TAF1B: variants seen among roughly 807,000 people sequenced by gnomAD.
The protein encoded by TAF1B is TATA-box binding protein associated factor, RNA polymerase I subunit B, also known as TATA box-binding protein-associated factor RNA polymerase I subunit B.
In TAF1B, 61 loss-of-function variants were observed where a neutral mutation model predicts 83.9. That is an observed-to-expected ratio of 0.73 (90% CI 0.59 to 0.90). TAF1B has a LOEUF of 0.90. TAF1B is among the 40% of genes least tolerant of loss of function. TAF1B has a pLI of 0.00. For synonymous variants in TAF1B, 221 were observed against 224.6 expected, an observed-to-expected ratio of 0.98 and a Z score of 0.14; for missense variants, 625 against 677.0, an observed-to-expected ratio of 0.92 and a Z score of 0.85.
chr2:9,884,313 C>G lies in TAF1B; in HGVS notation c.807+1508C>G, dbSNP rs533561318. ...CGAGGAGCTCCCAGGTCTGGACTCC[C>G]CAAAGGACCGCAGCTCTTCTTTCCT... is the stretch of plus-strand genomic sequence containing the variant. On this transcript the variant is annotated intron_variant, in intron 8 of 14. Transcript: ENST00000263663. Among the ~76,000 whole-genome samples the G allele has an allele frequency of 6.6e-5, 10 of 152,306 alleles. No individual in the cohort carries two copies. In the East Asian group the frequency reaches 1.9e-3, roughly 29 times the overall value.
Position 9,861,723 on chromosome 2 carries a change from G to A in TAF1B, c.400-6553G>A, listed in dbSNP as rs572680373. 4.0e-3 allele frequency among the ~76,000 whole-genome samples: 604 copies of A among 152,278 alleles called. 3 individuals carry two copies. The highest frequency in any genetic ancestry group is 0.013 in the African/African-American group (546 of 41,554). ...GTAGGGGCAGTCTGACACCTCACAC[G>A]GCCAGGTACTCCTCTGAGACAAAAC... is the stretch of plus-strand genomic sequence containing the variant. On this transcript the variant is annotated intron_variant, in intron 5 of 14. Transcript: ENST00000263663.
chr2:9,843,442 A>C, upstream of TAF1B: 1 of 1,412,928 alleles, frequency 7.1e-7, no homozygotes, highest in Non-Finnish European at 9.4e-7. Flanking sequence ...CTAGGCGCGG[A>C]TCTCGCGTTT....
At chr2:9,919,909 G>A (rs746449432) in intron 14 of TAF1B, 89 bp downstream of exon 14, 15 of 1,299,490 alleles carry the variant, frequency 1.2e-5, no homozygotes, top group Non-Finnish European at 1.6e-5. Context: ...TTAGAAGCTG[G>A]TGAGCTTAAA....
intron 14 of TAF1B, among the ~76,000 whole-genome samples, chr2:9,926,525 G>A (rs1259781445): frequency 6.6e-6 from 1 of 152,162 alleles, no homozygotes; most frequent in South Asian, 2.1e-4. Flanking sequence ...TAGCCTATAT[G>A]TTGATGTAGT....
chr2:9,882,804 A>T lies in TAF1B; in HGVS notation c.806A>T (p.Glu269Val). The change falls in exon 8 of 15, where the codon GAG becomes GTG. Residue 269 changes from glutamate to valine, a missense_variant and splice_region_variant. Physicochemically the swap from Glu to Val is moderately radical, Grantham distance 121 (BLOSUM62 -2). Transcript: ENST00000263663. ...CGTGACAGAGGAATCTTTGGTATAG[A>T]GGTAAGTTATTTTCTTTTTTACTTT... ...YGRDRGIFGI[E>V]SWPDYEDIYK... The T allele has an allele frequency of 6.3e-7, 1 of 1,596,130 alleles. No homozygotes were observed. Among genetic ancestry groups the T allele is most frequent in the Non-Finnish European group, 8.5e-7 (1 of 1,171,936 alleles).
intron 1 of TAF1B, 46 bp downstream of exon 1, chr2:9,843,605 GGA>G (rs1281831049): frequency 2.0e-6 from 3 of 1,472,688 alleles, no homozygotes; most frequent in Non-Finnish European, 2.7e-6. Context: ...CGGGGCCGGA[GGA>G]GAGAGAAGCT....
intron 5 of TAF1B, among the ~76,000 whole-genome samples, chr2:9,859,558 T>C (rs1018891686): frequency 6.6e-5 from 10 of 152,212 alleles, no homozygotes; most frequent in African/African-American, 2.4e-4. Context: ...AACTACTTTT[T>C]TGTATTTTTA....
intron 14 of TAF1B, among the ~76,000 whole-genome samples, chr2:9,920,558 T>C (rs933455413): frequency 1.6e-5 from 2 of 123,806 alleles, no homozygotes; most frequent in East Asian, 5.5e-4. Context: ...TTTCTCAGGG[T>C]ATGGCGTCTG....
intron 5 of TAF1B, among the ~76,000 whole-genome samples, chr2:9,855,770 C>T (rs1219838974): frequency 2.0e-5 from 3 of 152,172 alleles, no homozygotes; most frequent in Non-Finnish European, 1.5e-5. Flanking sequence ...AGGACACTTA[C>T]ATTAGACTAC....
intron 9 of TAF1B, 129 bp downstream of exon 9, chr2:9,905,135 G>A: frequency 2.9e-6 from 2 of 701,564 alleles, no homozygotes; most frequent in Non-Finnish European, 4.5e-6. Context: ...GAAACTTAAT[G>A]TCAAAATCCT....
At position 9,862,838 on chromosome 2, in the gene TAF1B, C is replaced by G. The variant is rs200779677; in HGVS notation, c.400-5438C>G. Among the ~76,000 whole-genome samples the G allele has an allele frequency of 2.6e-5, 4 of 152,256 alleles. No homozygotes were observed. In the East Asian group the frequency reaches 7.7e-4, roughly 29 times the overall value. ...TTCAACCTATAATTTCATATCCAGC[C>G]AAACTAAGCTTCATAAGTGAAGGAG... On this transcript the variant is annotated intron_variant, in intron 5 of 14. Transcript: ENST00000263663.
chr2:9,847,580 C>T (rs867366723), intron 2 of TAF1B, among the ~76,000 whole-genome samples: 3 of 152,016 alleles, frequency 2.0e-5, no homozygotes, highest in Admixed American at 6.6e-5. Context: ...ACACGCTCTG[C>T]AATCTGGGAA....
At chr2:9,911,952 C>T (rs1034643800) in intron 11 of TAF1B, among the ~76,000 whole-genome samples, 2 of 152,112 alleles carry the variant, frequency 1.3e-5, no homozygotes, top group African/African-American at 4.8e-5. Context: ...GCAAATGCCT[C>T]TTTATTCTTG....
intron 5 of TAF1B, among the ~76,000 whole-genome samples, chr2:9,858,869 T>C (rs915954190): frequency 2.0e-5 from 3 of 152,098 alleles, no homozygotes; most frequent in African/African-American, 7.2e-5. Flanking sequence ...GTAAAACCAT[T>C]TTTCCCTCCT....
intron 5 of TAF1B, among the ~76,000 whole-genome samples, chr2:9,857,724 A>G (rs914354158): frequency 8.5e-5 from 13 of 152,170 alleles, no homozygotes; most frequent in African/African-American, 3.1e-4. Flanking sequence ...ACATGGCAGC[A>G]GGAGAGACAG....
At chr2:9,845,451 T>G in intron 2 of TAF1B, 133 bp downstream of exon 2, 1 of 663,670 alleles carries the variant, frequency 1.5e-6, no homozygotes, top group Admixed American at 2.2e-5. Context: ...CAAGGATGCA[T>G]GTGGTCTTAG....
At chr2:9,902,066 A>G (rs1665193449) in intron 8 of TAF1B, among the ~76,000 whole-genome samples, 1 of 152,150 alleles carries the variant, frequency 6.6e-6, no homozygotes, top group Admixed American at 6.5e-5. Flanking sequence ...AATATAATAC[A>G]GGGAAGATTT....
At chr2:9,860,553 C>T (rs1199439194) in intron 5 of TAF1B, among the ~76,000 whole-genome samples, 1 of 152,104 alleles carries the variant, frequency 6.6e-6, no homozygotes, top group Non-Finnish European at 1.5e-5. Flanking sequence ...GATGACATCA[C>T]CAAGGTATGA....
rs545501628 is a variant in TAF1B at position 9,914,497 on chromosome 2, C to A, written c.1271+1248C>A. Among the ~76,000 whole-genome samples, 2 of 152,178 alleles carry A rather than the reference C, an allele frequency of 1.3e-5. No individual in the cohort carries two copies. The highest frequency in any genetic ancestry group is 1.3e-4 in the Admixed American group (2 of 15,286). ...CTGACGGATCCTAAGGACTGGGTGC[C>A]TAGGGGCCATTCCTCCCTGGGGTCT... On this transcript the variant is annotated intron_variant, in intron 12 of 14. Transcript: ENST00000263663. This position sits in a 1 kb window ranked among gnomAD's most constrained non-coding sequence, Gnocchi z 4.3.
Sources: gnomAD v4.1 joint callset for allele counts (sites outside exome capture counted in the v4.1 genomes callset) on GRCh38, gnomAD v4.1.1 for gene constraint, Gnocchi (gnomAD v3.1) non-coding constraint, MANE v1.5 for transcripts, NCBI Gene and HGNC (gene_info 2026-07-23, HGNC 2026-07-21) for gene names.